The following GIPC2 variants were observed in gnomAD, a reference collection of about 807,000 sequenced individuals.
GIPC2 encodes GIPC PDZ domain containing family member 2, also known as PDZ domain-containing protein GIPC2.
Under a neutral mutation model 30.6 loss-of-function variants are expected in GIPC2, and 30 were observed. The ratio of observed to expected loss-of-function variants is 0.98; its 90% CI spans 0.73 to 1.33. The LOEUF is 1.33. Among genes scored for constraint, GIPC2 ranks in the 40% most tolerant of loss-of-function variants. The pLI, the probability that GIPC2 is intolerant of heterozygous loss-of-function variation, is 0.00. For missense variants in GIPC2, 414 were observed against 390.3 expected (o/e 1.06, Z -0.51); for synonymous variants, 167 against 150.0 (o/e 1.11, Z -0.83).
At chr1:78,131,197 CT>C (rs1013833440) in intron 5 of GIPC2, among the ~76,000 whole-genome samples, 1 of 151,574 alleles carries the variant, frequency 6.6e-6, no homozygotes, top group African/African-American at 2.4e-5. Flanking sequence ...GAAAATTCTA[CT>C]TTTTTTTCTT....
At chr1:78,118,739 C>T (rs1025559142) in intron 3 of GIPC2, among the ~76,000 whole-genome samples, 1 of 152,058 alleles carries the variant, frequency 6.6e-6, no homozygotes, top group Non-Finnish European at 1.5e-5. Flanking sequence ...TGGGCTGGAG[C>T]GTTGTTCAGG....
intron 2 of GIPC2, among the ~76,000 whole-genome samples, chr1:78,082,005 C>T (rs1044276273): frequency 2.0e-5 from 3 of 152,290 alleles, no homozygotes; most frequent in South Asian, 4.1e-4. Context: ...TAATCTTTCC[C>T]CGCAAAGTAG....
intron 3 of GIPC2, among the ~76,000 whole-genome samples, chr1:78,114,776 G>C (rs564526620): frequency 3.3e-5 from 5 of 152,272 alleles, no homozygotes; most frequent in African/African-American, 1.2e-4. Context: ...AACACCAAGA[G>C]TGAACTCTAA....
intron 1 of GIPC2, among the ~76,000 whole-genome samples, chr1:78,053,418 A>T (rs1169250989): frequency 1.3e-5 from 2 of 152,084 alleles, no homozygotes; most frequent in Non-Finnish European, 2.9e-5. Flanking sequence ...ATCCTTTGTA[A>T]TGTCTCTTTC....
At chr1:78,123,300 C>T (rs755290722) in intron 4 of GIPC2, among the ~76,000 whole-genome samples, 5 of 150,598 alleles carry the variant, frequency 3.3e-5, no homozygotes, top group East Asian at 3.9e-4. Flanking sequence ...TGTTTCTCTC[C>T]GGAAGAAATT....
intron 1 of GIPC2, among the ~76,000 whole-genome samples, chr1:78,067,756 T>A (rs1420968455): frequency 6.6e-6 from 1 of 152,180 alleles, no homozygotes; most frequent in East Asian, 1.9e-4. Flanking sequence ...TCGCCTCAAA[T>A]TTTTCTTATA....
At chr1:78,120,626 G>T (rs1382235216) in intron 4 of GIPC2, among the ~76,000 whole-genome samples, 1 of 152,178 alleles carries the variant, frequency 6.6e-6, no homozygotes, top group African/African-American at 2.4e-5. Flanking sequence ...CATGTCTGGG[G>T]AGGCCTCACA....
intron 3 of GIPC2, among the ~76,000 whole-genome samples, chr1:78,115,769 G>A (rs1022546887): frequency 1.3e-5 from 2 of 152,180 alleles, no homozygotes; most frequent in African/African-American, 4.8e-5. Flanking sequence ...TAGGTTTTTG[G>A]TTAGGCGGGG....
At chr1:78,047,699 T>A (rs764795739) in intron 1 of GIPC2, among the ~76,000 whole-genome samples, 2 of 152,156 alleles carry the variant, frequency 1.3e-5, no homozygotes, top group African/African-American at 2.4e-5. Context: ...AAATAGAGAT[T>A]AGAATATTTG....
chr1:78,094,907 T>C, intron 2 of GIPC2, 45 bp from the exon 3 acceptor site: 1 of 1,353,210 alleles, frequency 7.4e-7, no homozygotes, highest in African/African-American at 1.4e-5. Context: ...GTGCATTCAT[T>C]ACACAGTTCT....
At chr1:78,105,581 C>A (rs537133002) in intron 3 of GIPC2, among the ~76,000 whole-genome samples, 4 of 151,998 alleles carry the variant, frequency 2.6e-5, no homozygotes, top group Non-Finnish European at 5.9e-5. Context: ...CCACCTTGCC[C>A]GACCAGAACC....
chr1:78,094,833 C>A (rs1360483302), intron 2 of GIPC2, 119 bp from the exon 3 acceptor site: 2 of 616,326 alleles, frequency 3.2e-6, no homozygotes, highest in East Asian at 2.6e-5. Flanking sequence ...TATTCCCAGG[C>A]AGTCTCCCAT....
chr1:78,098,644 A>G (rs1390873576), intron 3 of GIPC2, among the ~76,000 whole-genome samples: 3 of 152,182 alleles, frequency 2.0e-5, no homozygotes, highest in Non-Finnish European at 4.4e-5. Flanking sequence ...GTGTCCTTCA[A>G]AATTCACATG....
intron 1 of GIPC2, among the ~76,000 whole-genome samples, chr1:78,078,323 T>G (rs1259194903): frequency 6.6e-6 from 1 of 152,214 alleles, no homozygotes; most frequent in African/African-American, 2.4e-5. Flanking sequence ...AGTTGTGCAT[T>G]GATACTGTGA....
intron 3 of GIPC2, among the ~76,000 whole-genome samples, chr1:78,099,918 G>A (rs796573719): frequency 6.6e-6 from 1 of 152,166 alleles, no homozygotes; most frequent in African/African-American, 2.4e-5. Context: ...TTTGGTTAGA[G>A]GTTATAGGTG....
intron 3 of GIPC2, among the ~76,000 whole-genome samples, chr1:78,102,639 T>C (rs911242208): frequency 1.8e-4 from 28 of 152,248 alleles, no homozygotes; most frequent in Non-Finnish European, 1.9e-4. Context: ...TTATTTAACC[T>C]TTCTGTGCCT....
intron 4 of GIPC2, among the ~76,000 whole-genome samples, chr1:78,123,472 A>G (rs1662722615): frequency 6.6e-6 from 1 of 151,956 alleles, no homozygotes; most frequent in Non-Finnish European, 1.5e-5. Context: ...TTAGGATATG[A>G]AGGGCCTTGT....
At chr1:78,094,783 G>T in intron 2 of GIPC2, 169 bp from the exon 3 acceptor site, 5 of 516,688 alleles carry the variant, frequency 9.7e-6, no homozygotes, top group Non-Finnish European at 1.7e-5. Context: ...AGCATAAAAA[G>T]TACTGTTACA....
intron 1 of GIPC2, among the ~76,000 whole-genome samples, chr1:78,076,815 C>T (rs1661724799): frequency 6.6e-6 from 1 of 152,158 alleles, no homozygotes; most frequent in African/African-American, 2.4e-5. Context: ...GTCACCCAGG[C>T]TGAGGTGCAG....
Sources: gnomAD v4.1 joint callset for allele counts (sites outside exome capture counted in the v4.1 genomes callset) on GRCh38, gnomAD v4.1.1 for gene constraint, MANE v1.5 for transcripts, NCBI Gene and HGNC (gene_info 2026-07-23, HGNC 2026-07-21) for gene names.